Variants in FAM89A observed in about 807,000 individuals in gnomAD.
The protein encoded by FAM89A is protein FAM89A.
Under a neutral mutation model 7.1 loss-of-function variants are expected in FAM89A, and 10 were observed. The observed-to-expected ratio is 1.40, with a 90% CI of 0.86 to 2.38. The LOEUF is 2.38. Ranked by LOEUF, FAM89A falls within the 30% of genes most tolerant of loss-of-function variation. The probability of loss-of-function intolerance (pLI) is 0.00; values close to 1 mark genes in which losing one functional copy is unlikely to be tolerated. For synonymous variants in FAM89A, 157 were observed against 129.3 expected (o/e 1.21, Z -1.45); for missense variants, 276 against 262.8 (o/e 1.05, Z -0.35).
intron 1 of FAM89A, among the ~76,000 whole-genome samples, chr1:231,030,178 G>A (rs1572356630): frequency 6.6e-6 from 1 of 152,272 alleles, no homozygotes. Context: ...ACATATTCGT[G>A]TCATCTGGTC....
At chr1:231,030,141 T>C (rs751298591) in intron 1 of FAM89A, among the ~76,000 whole-genome samples, 4 of 152,246 alleles carry the variant, frequency 2.6e-5, no homozygotes, top group Admixed American at 1.3e-4. Flanking sequence ...TGGTCTCCTA[T>C]GTAGCCTTCT....
intron 1 of FAM89A, among the ~76,000 whole-genome samples, chr1:231,034,772 CAA>C (rs60902378): frequency 0.088 from 6,199 of 70,476 alleles, 285 homozygotes; most frequent in African/African-American, 0.23. Flanking sequence ...AACTCTGTCT[CAA>C]AAAAAAAAAA....
chr1:231,023,548 T>C (rs1353722800), intron 1 of FAM89A, among the ~76,000 whole-genome samples: 1 of 152,204 alleles, frequency 6.6e-6, no homozygotes, highest in African/African-American at 2.4e-5. Context: ...CTGGCTTTGT[T>C]AGCAATAACT....
intron 1 of FAM89A, among the ~76,000 whole-genome samples, chr1:231,037,301 T>C (rs1445365674): frequency 2.0e-5 from 3 of 152,206 alleles, no homozygotes; most frequent in Non-Finnish European, 4.4e-5. Context: ...ACAGAAGATA[T>C]CCCAAAATAC....
rs372843937 is a variant in FAM89A, at chr1:231,036,520, G to C, written c.291+3401C>G. Among the ~76,000 whole-genome samples, 296 of 152,188 alleles carry C rather than the reference G, an allele frequency of 1.9e-3. 1 individual carries two copies. Among genetic ancestry groups the C allele is most frequent in the African/African-American group, 6.7e-3 (280 of 41,508 alleles). On this transcript the variant is annotated intron_variant, in intron 1 of 1. Transcript: ENST00000366654. ...CTTTCCAAGTGGGCCCTTCTGGGGAGGGGACGAGGACTTACGAGTAGTGCA... is the reference window on the plus strand; with the variant it reads ...CTTTCCAAGTGGGCCCTTCTGGGGACGGGACGAGGACTTACGAGTAGTGCA...
intron 1 of FAM89A, among the ~76,000 whole-genome samples, chr1:231,037,494 C>G (rs1680177013): frequency 1.3e-5 from 2 of 152,140 alleles, no homozygotes; most frequent in African/African-American, 4.8e-5. Flanking sequence ...CATTAGCAAG[C>G]CCCCTACCCT....
chr1:231,033,473 C>G (rs1410069297), intron 1 of FAM89A, among the ~76,000 whole-genome samples: 1 of 152,176 alleles, frequency 6.6e-6, no homozygotes, highest in Non-Finnish European at 1.5e-5. Context: ...CTTCTTGAAC[C>G]CTCCCTAAAC....
chr1:231,025,045 C>G (rs1305744543), intron 1 of FAM89A, among the ~76,000 whole-genome samples: 1 of 151,214 alleles, frequency 6.6e-6, no homozygotes, highest in African/African-American at 2.4e-5. Flanking sequence ...GCCTCAGCCT[C>G]CCGAGTAGCT....
chr1:231,039,317 C>T (rs1253640794), intron 1 of FAM89A, among the ~76,000 whole-genome samples: 1 of 152,216 alleles, frequency 6.6e-6, no homozygotes, highest in African/African-American at 2.4e-5. Context: ...CAATCAGCTT[C>T]GCGGGGCTGA....
chr1:231,032,402 C>T (rs1369626601), intron 1 of FAM89A, among the ~76,000 whole-genome samples: 1 of 132,136 alleles, frequency 7.6e-6, no homozygotes, highest in African/African-American at 2.8e-5. Context: ...ACCCCCCACC[C>T]CCAGCAATGC....
At chr1:231,033,389 G>A (rs1170071670) in intron 1 of FAM89A, among the ~76,000 whole-genome samples, 1 of 152,214 alleles carries the variant, frequency 6.6e-6, no homozygotes, top group Non-Finnish European at 1.5e-5. Flanking sequence ...GTTCCTGCAG[G>A]CATTCCCAGA....
At chr1:231,024,886 G>T (rs1679937385) in intron 1 of FAM89A, among the ~76,000 whole-genome samples, 1 of 150,318 alleles carries the variant, frequency 6.7e-6, no homozygotes, top group South Asian at 2.1e-4. Context: ...CAGATAGAGA[G>T]GTGGGTTCTG....
intron 1 of FAM89A, among the ~76,000 whole-genome samples, chr1:231,036,060 G>GA (rs1680151879): frequency 6.6e-6 from 1 of 152,070 alleles, no homozygotes; most frequent in African/African-American, 2.4e-5. Flanking sequence ...CAAAATGGAG[G>GA]GAAAAAACAA....
intron 1 of FAM89A, among the ~76,000 whole-genome samples, chr1:231,029,789 ATGAG>A (rs1194944677): frequency 6.6e-6 from 1 of 152,234 alleles, no homozygotes; most frequent in Non-Finnish European, 1.5e-5. Context: ...AACACAATGA[ATGAG>A]TAAGTATATA....
At chr1:231,028,036 A>G (rs1680003604) in intron 1 of FAM89A, among the ~76,000 whole-genome samples, 1 of 152,234 alleles carries the variant, frequency 6.6e-6, no homozygotes, top group African/African-American at 2.4e-5. Context: ...CAGAGCAGAC[A>G]GGCAGATATT....
At position 231,018,991 on chromosome 1, in the gene FAM89A, A is replaced by C. The variant is rs1486666870; in HGVS notation, c.*872T>G. ...AGCATTTTATCCTCATTTTTAACCTACAAAGTGTAATGTTCTCATAAAGTA... is the reference window on the plus strand; with the variant it reads ...AGCATTTTATCCTCATTTTTAACCTCCAAAGTGTAATGTTCTCATAAAGTA... On this transcript the variant is annotated 3_prime_UTR_variant, in exon 2 of 2. Transcript: ENST00000366654. 1 of 152,256 alleles carries C rather than the reference A, an allele frequency of 6.6e-6. No individual in the cohort carries two copies. The highest frequency in any genetic ancestry group is 2.4e-5 in the African/African-American group (1 of 41,472). The allele number at this position is 152,256 out of a possible 1,614,324, so 9.4% of individuals were successfully genotyped here. A position where few individuals can be genotyped will look rare whatever the true frequency, so the allele number is the denominator to read the frequency against.
chr1:231,031,750 T>C (rs1403916261), intron 1 of FAM89A, among the ~76,000 whole-genome samples: 2 of 152,242 alleles, frequency 1.3e-5, no homozygotes, highest in Non-Finnish European at 2.9e-5. Flanking sequence ...GTTAGGTAAG[T>C]ACTGTTTTGT....
At position 231,026,205 on chromosome 1, in the gene FAM89A, G is replaced by A. The variant is rs1028496297; in HGVS notation, c.292-6079C>T. The A allele has an allele frequency of 2.6e-5, 4 of 154,388 alleles. No individual in the cohort carries two copies. In the East Asian group the frequency reaches 5.8e-4, roughly 22 times the overall value. 9.6% of individuals were successfully genotyped at this position (154,388 alleles called of 1,614,324 possible). A position where few individuals can be genotyped will look rare whatever the true frequency, so the allele number is the denominator to read the frequency against. ...ACAGCCAGGCTCTGAAAACAGAAGC[G>A]CCCCATCCCACTGTGTTCCTCCCGC... is the stretch of plus-strand genomic sequence containing the variant. On this transcript the variant is annotated intron_variant, in intron 1 of 1. Transcript: ENST00000366654.
At chr1:231,021,681 C>T (rs1391234095) in intron 1 of FAM89A, 2 of 1,581,072 alleles carry the variant, frequency 1.3e-6, no homozygotes, top group African/African-American at 2.7e-5. Flanking sequence ...CGGGAAGCAA[C>T]CTCCACCCCT....
Sources: allele counts gnomAD v4.1 joint callset (sites outside exome capture counted in the v4.1 genomes callset), GRCh38; gene constraint gnomAD v4.1.1; transcripts MANE v1.5; gene names NCBI Gene and HGNC (gene_info 2026-07-23, HGNC 2026-07-21).